The following LRRC63 variants were observed in gnomAD, a reference collection of about 807,000 sequenced individuals.
The protein encoded by LRRC63 is leucine-rich repeat-containing protein 63.
In LRRC63, 40 loss-of-function variants were observed where a neutral mutation model predicts 49.5. The observed-to-expected ratio is 0.81, with a 90% CI of 0.63 to 1.05. The LOEUF (loss-of-function observed/expected upper bound fraction) is 1.05, where lower values mean the gene tolerates loss of function less well. Among genes scored for constraint, LRRC63 ranks in the 50% least tolerant of loss-of-function variants. The pLI, the probability that LRRC63 is intolerant of heterozygous loss-of-function variation, is 0.00. For synonymous variants in LRRC63, 191 were observed against 221.1 expected (o/e 0.86, Z 1.21); for missense variants, 636 against 663.1 (o/e 0.96, Z 0.45).
intron 7 of LRRC63, among the ~76,000 whole-genome samples, chr13:46,255,201 G>T (rs1028932730): frequency 2.0e-5 from 3 of 152,030 alleles, no homozygotes; most frequent in Admixed American, 1.3e-4. Flanking sequence ...CTTATATAAG[G>T]TACCTAGAAT....
At chr13:46,227,763 T>G (rs192727701) in exon 3 of LRRC63, 3 of 1,550,536 alleles carry the variant, frequency 1.9e-6, no homozygotes, top group Non-Finnish European at 1.7e-6. Context: ...TTTTCCACAT[T>G]GTAATTCAGC....
At chr13:46,230,017 A>G (rs549965649) in intron 4 of LRRC63, among the ~76,000 whole-genome samples, 40 of 152,068 alleles carry the variant, frequency 2.6e-4, no homozygotes, top group African/African-American at 8.7e-4. Context: ...TCTTATAAGA[A>G]CTCACTATCA....
At chr13:46,244,229 G>A (rs2047149025) in intron 5 of LRRC63, among the ~76,000 whole-genome samples, 1 of 152,076 alleles carries the variant, frequency 6.6e-6, no homozygotes, top group South Asian at 2.1e-4. Flanking sequence ...GTTGGAAGGG[G>A]CTAAATGTAT....
intron 9 of LRRC63, among the ~76,000 whole-genome samples, chr13:46,267,235 A>C (rs564331305): frequency 1.7e-3 from 262 of 152,330 alleles, no homozygotes; most frequent in African/African-American, 5.9e-3. Context: ...CTGTTGCATA[A>C]ATCTTTTCTA....
intron 5 of LRRC63, among the ~76,000 whole-genome samples, chr13:46,244,519 A>G (rs2047158225): frequency 6.6e-6 from 1 of 152,178 alleles, no homozygotes; most frequent in Admixed American, 6.6e-5. Context: ...CCTGTAATCT[A>G]AGTGCTTTGG....
chr13:46,263,216 G>A lies in LRRC63; in HGVS notation c.1310+1224G>A, dbSNP rs144286939. ...TTTAGAGACAGGATCTCACTCTGTCGCCCAGGCTGGAGTGCAGTGGTATGA... is the reference window on the plus strand; with the variant it reads ...TTTAGAGACAGGATCTCACTCTGTCACCCAGGCTGGAGTGCAGTGGTATGA... On this transcript the variant is annotated intron_variant, in intron 8 of 9. Transcript: ENST00000595396. 4.6e-3 allele frequency among the ~76,000 whole-genome samples: 698 copies of A among 151,470 alleles called. 6 individuals are homozygous for A. Among genetic ancestry groups the A allele is most frequent in the African/African-American group, 0.015 (639 of 41,264 alleles).
intron 7 of LRRC63, among the ~76,000 whole-genome samples, chr13:46,259,256 A>T (rs966026930): frequency 2.6e-5 from 4 of 151,568 alleles, no homozygotes; most frequent in Admixed American, 1.3e-4. Context: ...CAAAAATCCA[A>T]ATGTTTTTTT....
chr13:46,258,421 A>ATG, intron 7 of LRRC63, among the ~76,000 whole-genome samples: 1 of 148,670 alleles, frequency 6.7e-6, no homozygotes, highest in Admixed American at 6.7e-5. Context: ...GAGCCCCCGC[A>ATG]CCCAGCCCTG....
At chr13:46,269,518 C>T (rs1172184870) in intron 9 of LRRC63, among the ~76,000 whole-genome samples, 1 of 140,970 alleles carries the variant, frequency 7.1e-6, no homozygotes, top group African/African-American at 2.4e-5. Flanking sequence ...CCATCAGACA[C>T]ACAAAAAAAT....
exon 2 of LRRC63, chr13:46,213,008 G>GA (rs2046137436): frequency 6.9e-7 from 1 of 1,456,916 alleles, no homozygotes; most frequent in Admixed American, 2.2e-5. Flanking sequence ...CAAGGATTAT[G>GA]AAAAACAGCA....
chr13:46,213,075 C>G, exon 2 of LRRC63: 2 of 1,549,768 alleles, frequency 1.3e-6, no homozygotes, highest in Non-Finnish European at 1.7e-6. Context: ...CCCTTACCTC[C>G]AAAATTCACT....
At chr13:46,238,561 T>C (rs2046968369) in intron 5 of LRRC63, among the ~76,000 whole-genome samples, 2 of 152,302 alleles carry the variant, frequency 1.3e-5, no homozygotes, top group South Asian at 4.1e-4. Context: ...CAAAGACATG[T>C]CTTACATGAC....
At chr13:46,252,948 G>C (rs894355325) in intron 7 of LRRC63, among the ~76,000 whole-genome samples, 8 of 151,948 alleles carry the variant, frequency 5.3e-5, no homozygotes, top group Non-Finnish European at 8.8e-5. Flanking sequence ...AACCATTACA[G>C]GTTTTCCATA....
intron 6 of LRRC63, among the ~76,000 whole-genome samples, chr13:46,248,824 A>G (rs2047292064): frequency 6.6e-6 from 1 of 151,928 alleles, no homozygotes. Flanking sequence ...ACTCAAACCA[A>G]TAGCAGCAGA....
At chr13:46,222,100 A>C (rs1213350616) in intron 2 of LRRC63, among the ~76,000 whole-genome samples, 1 of 152,194 alleles carries the variant, frequency 6.6e-6, no homozygotes, top group African/African-American at 2.4e-5. Context: ...TATTTCTCTA[A>C]TGATTAGTGA....
At chr13:46,243,480 A>G (rs2138489383) in intron 5 of LRRC63, among the ~76,000 whole-genome samples, 1 of 152,322 alleles carries the variant, frequency 6.6e-6, no homozygotes, top group Admixed American at 6.5e-5. Flanking sequence ...AAATAAATAA[A>G]TAATGTAAGC....
In LRRC63 at chr13:46,271,058, G is replaced by T. The variant is rs117410085; in HGVS notation, c.1550+4086G>T. On this transcript the variant is annotated intron_variant, in intron 9 of 9. Coordinates refer to ENST00000595396, the Ensembl canonical transcript of LRRC63. The stretch of plus-strand genomic sequence containing the variant: ...TAAACTGTTAGAGGGTACCATAAAC[G>T]AATCAAAAATATATCATTAACCAAA... Among the ~76,000 whole-genome samples the T allele has an allele frequency of 2.2e-4, 34 of 152,176 alleles. No individual in the cohort carries two copies. The East Asian group carries it at 5.6e-3, about 25-fold the overall frequency.
intron 9 of LRRC63, among the ~76,000 whole-genome samples, chr13:46,272,945 CT>C: frequency 6.6e-6 from 1 of 152,196 alleles, no homozygotes; most frequent in South Asian, 2.1e-4. Context: ...AAGGGAAGAG[CT>C]TTAGTTATTC....
In LRRC63 at chr13:46,255,645, A is replaced by AAAAAAAAAAAAAAAAT. The variant is rs1555328641; in HGVS notation, c.1226+5155_1226+5156insAAAAAAAAAAAAAATA. ...GGCAACAGAGTAAGACCCTGCCTCA[A>AAAAAAAAAAAAAAAAT]ATATATATATATATATATATAGTTA... On this transcript the variant is annotated intron_variant, in intron 7 of 9. Transcript: ENST00000595396. 1.6e-3 allele frequency among the ~76,000 whole-genome samples: 208 copies of AAAAAAAAAAAAAAAAT among 129,430 alleles called. 1 individual carries two copies. The highest frequency in any genetic ancestry group is 5.4e-3 in the African/African-American group (186 of 34,334). 84.9% of individuals were successfully genotyped at this position (129,430 alleles called of 152,430 possible).
Sources: allele counts gnomAD v4.1 joint callset (sites outside exome capture counted in the v4.1 genomes callset), GRCh38; gene constraint gnomAD v4.1.1; transcripts MANE v1.5; gene names NCBI Gene and HGNC (gene_info 2026-07-23, HGNC 2026-07-21).